The following KCNQ1 variants were observed in gnomAD, a reference collection of about 807,000 sequenced individuals.
KCNQ1 encodes the protein potassium voltage-gated channel subfamily Q member 1.
KCNQ1 carries 49 observed loss-of-function variants against 72.4 expected under a neutral mutation model. The observed-to-expected ratio is 0.68, with a 90% CI of 0.54 to 0.86. The LOEUF (loss-of-function observed/expected upper bound fraction) is 0.86. Ranked by LOEUF, KCNQ1 falls within the 40% of genes least tolerant of loss-of-function variation. The pLI is 0.00. For synonymous variants in KCNQ1, 450 were observed against 412.6 expected, an observed-to-expected ratio of 1.09 and a Z score of -1.10; for missense variants, 790 against 945.1, an observed-to-expected ratio of 0.84 and a Z score of 2.15.
intron 15 of KCNQ1, among the ~76,000 whole-genome samples, chr11:2,786,261 A>G (rs1473618624): frequency 6.6e-6 from 1 of 152,134 alleles, no homozygotes; most frequent in African/African-American, 2.4e-5. Context: ...TAAAAATGTT[A>G]TTGAACTATC....
chr11:2,820,180 A>G (rs1010612183), intron 15 of KCNQ1, among the ~76,000 whole-genome samples: 1 of 151,838 alleles, frequency 6.6e-6, no homozygotes, highest in Non-Finnish European at 1.5e-5. Context: ...TTTATTTTCA[A>G]TCTTTTTTAT....
rs1850309649 is a variant in KCNQ1, at chr11:2,677,251, G to C, written c.1514+15170G>C. 2 of 397,172 alleles carry C rather than the reference G, an allele frequency of 5.0e-6. No homozygotes were observed. The highest frequency in any genetic ancestry group is 8.8e-6 in the Non-Finnish European group (2 of 226,008). 24.6% of individuals were successfully genotyped at this position (397,172 alleles called of 1,614,324 possible). A position where few individuals can be genotyped will look rare whatever the true frequency, so the allele number is the denominator to read the frequency against. On this transcript the variant is annotated intron_variant, in intron 11 of 15. Transcript: ENST00000155840. This position sits in a 1 kb window ranked among gnomAD's most constrained non-coding sequence, Gnocchi z 4.5. ...CAATATAAAGCACACACAAAGTAAA[G>C]AGGAACTTATAAAGAGGAACTGTAA...
chr11:2,793,552 A>G (rs972579477), intron 15 of KCNQ1, among the ~76,000 whole-genome samples: 3 of 152,206 alleles, frequency 2.0e-5, no homozygotes, highest in African/African-American at 7.2e-5. Flanking sequence ...TGAGCCCAGG[A>G]GTTCAAGGCT....
At chr11:2,739,473 G>A (rs1403952788) in intron 11 of KCNQ1, among the ~76,000 whole-genome samples, 7 of 152,242 alleles carry the variant, frequency 4.6e-5, no homozygotes, top group African/African-American at 1.4e-4. Context: ...GATGGACATA[G>A]GTGGGCAACA....
chr11:2,813,402 C>T lies in KCNQ1; in HGVS notation c.1795-34365C>T, dbSNP rs1847533549. On this transcript the variant is annotated intron_variant, in intron 15 of 15. Transcript: ENST00000155840. The surrounding 1 kb of genome is among the most constrained non-coding windows in gnomAD (Gnocchi z 4.4). ...GGTGGAGACCTGCACCTCTTTTTCA[C>T]CCCCAAACCCGCCTGCCCGTCAGTG... is the stretch of plus-strand genomic sequence containing the variant. Among the ~76,000 whole-genome samples, 1 of 54,840 alleles carries T rather than the reference C, an allele frequency of 1.8e-5. No homozygotes were observed. The highest frequency in any genetic ancestry group is 3.3e-5 in the Non-Finnish European group (1 of 29,940). The allele number at this position is 54,840 out of a possible 152,430, so 36.0% of individuals were successfully genotyped here. A position where few individuals can be genotyped will look rare whatever the true frequency, so the allele number is the denominator to read the frequency against.
rs1344887698 is a variant in KCNQ1, at chr11:2,595,180, TA to T, written c.1393+6330del. On this transcript the variant is annotated intron_variant, in intron 10 of 15. Coordinates refer to ENST00000155840, the MANE Select transcript of KCNQ1 (RefSeq NM_000218.3). The surrounding 1 kb of genome is among the most constrained non-coding windows in gnomAD (Gnocchi z 5.0). ...ATATTGAGAAGAGAGTTTTATTTTA[TA>T]AAATAAAACTGTCTTTATTTGCAGA... is the stretch of plus-strand genomic sequence containing the variant. 1.3e-5 allele frequency among the ~76,000 whole-genome samples: 2 copies of T among 152,222 alleles called. No individual in the cohort carries two copies. Among genetic ancestry groups the T allele is most frequent in the Non-Finnish European group, 2.9e-5 (2 of 68,038 alleles).
At chr11:2,618,201 GT>G in intron 10 of KCNQ1, 2 of 398,424 alleles carry the variant, frequency 5.0e-6, no homozygotes, top group Non-Finnish European at 8.8e-6. Context: ...TCTATGTATG[GT>G]GTAAGGCAGC....
intron 2 of KCNQ1, among the ~76,000 whole-genome samples, chr11:2,529,615 C>A (rs1355048516): frequency 6.6e-6 from 1 of 152,208 alleles, no homozygotes; most frequent in Non-Finnish European, 1.5e-5. Flanking sequence ...TTTCCAGGCA[C>A]TTTCCTGGCG....
At position 2,653,283 on chromosome 11, in the gene KCNQ1, G is replaced by T. The variant is rs1849785836; in HGVS notation, c.1394-8678G>T. On this transcript the variant is annotated intron_variant, in intron 10 of 15. Coordinates refer to ENST00000155840, the MANE Select transcript of KCNQ1 (RefSeq NM_000218.3). The surrounding 1 kb of genome is among the most constrained non-coding windows in gnomAD (Gnocchi z 5.3). ...CCCTCTGCCCTGAAAACTAGTGGGG[G>T]CAGTGCAGACCAGTTTAGCTATTTT... 5.0e-6 allele frequency: 2 copies of T among 398,612 alleles called. No individual in the cohort carries two copies. The highest frequency in any genetic ancestry group is 4.1e-5 in the African/African-American group (2 of 48,636). 24.7% of individuals were successfully genotyped at this position (398,612 alleles called of 1,614,324 possible).
chr11:2,533,273 G>C (rs1425179088), intron 2 of KCNQ1, among the ~76,000 whole-genome samples: 1 of 152,242 alleles, frequency 6.6e-6, no homozygotes, highest in Non-Finnish European at 1.5e-5. Context: ...TGCTGAACCA[G>C]GGATATGCGG....
At chr11:2,749,665 T>TA (rs1846194951) in intron 11 of KCNQ1, among the ~76,000 whole-genome samples, 2 of 116,608 alleles carry the variant, frequency 1.7e-5, no homozygotes, top group African/African-American at 3.4e-5. Context: ...AAAAAAAAAT[T>TA]GTCCGGGCGC....
intron 6 of KCNQ1, among the ~76,000 whole-genome samples, chr11:2,573,394 C>T (rs1367765212): frequency 1.3e-5 from 2 of 152,126 alleles, no homozygotes; most frequent in Non-Finnish European, 2.9e-5. Flanking sequence ...ATGCATACCT[C>T]GCGTGTCTCT....
chr11:2,569,406 G>T (rs993390103), intron 2 of KCNQ1, among the ~76,000 whole-genome samples: 1 of 152,244 alleles, frequency 6.6e-6, no homozygotes, highest in African/African-American at 2.4e-5. Context: ...TTGGGAGCCA[G>T]CGATGGCAGT....
rs373619287 is a variant in KCNQ1 at position 2,661,426 on chromosome 11, A to AC, written c.1394-534dup. On this transcript the variant is annotated intron_variant, in intron 10 of 15. Coordinates refer to ENST00000155840, the MANE Select transcript of KCNQ1 (RefSeq NM_000218.3). The surrounding 1 kb of genome is among the most constrained non-coding windows in gnomAD (Gnocchi z 5.9). Reference sequence around the variant, plus strand: ...ACTCCTGTGCCTCATTGGGGGTACAACTGGTTGATGTAGCATCGTGTTTTG... The same window carrying AC: ...ACTCCTGTGCCTCATTGGGGGTACAACCTGGTTGATGTAGCATCGTGTTTTG... The AC allele has an allele frequency of 3.5e-4, 149 of 423,502 alleles. No individual in the cohort carries two copies. The highest frequency in any genetic ancestry group is 6.2e-4 in the Admixed American group (16 of 25,752). The allele number at this position is 423,502 out of a possible 1,614,324, so 26.2% of individuals were successfully genotyped here. A position where few individuals can be genotyped will look rare whatever the true frequency, so the allele number is the denominator to read the frequency against.
chr11:2,490,871 T>G (rs1396713784), intron 1 of KCNQ1, among the ~76,000 whole-genome samples: 1 of 152,134 alleles, frequency 6.6e-6, no homozygotes, highest in Admixed American at 6.5e-5. Flanking sequence ...GTTTGTTTGT[T>G]TGTTTGTTTG....
At chr11:2,666,234 G>C (rs909753750) in intron 11 of KCNQ1, 6 of 398,540 alleles carry the variant, frequency 1.5e-5, no homozygotes, top group Non-Finnish European at 2.2e-5. Flanking sequence ...CCGGCCCATT[G>C]AGATGGGCAT....
intron 2 of KCNQ1, among the ~76,000 whole-genome samples, chr11:2,548,933 G>A (rs942331641): frequency 2.0e-5 from 3 of 152,186 alleles, no homozygotes; most frequent in Admixed American, 6.5e-5. Flanking sequence ...ACTGTCCCCC[G>A]ACTACCACTG....
At chr11:2,525,272 C>A (rs1216207955) in intron 1 of KCNQ1, among the ~76,000 whole-genome samples, 1 of 152,244 alleles carries the variant, frequency 6.6e-6, no homozygotes, top group Non-Finnish European at 1.5e-5. Flanking sequence ...TGCAGATGGG[C>A]ACTCACCCTT....
At chr11:2,548,785 G>A (rs1473139716) in intron 2 of KCNQ1, among the ~76,000 whole-genome samples, 1 of 152,212 alleles carries the variant, frequency 6.6e-6, no homozygotes, top group Non-Finnish European at 1.5e-5. Context: ...TGCTTAGGCT[G>A]TGCACAAATG....
Sources: allele counts gnomAD v4.1 joint callset (sites outside exome capture counted in the v4.1 genomes callset), GRCh38; gene constraint gnomAD v4.1.1; non-coding constraint Gnocchi (gnomAD v3.1); transcripts MANE v1.5; gene names NCBI Gene and HGNC (gene_info 2026-07-23, HGNC 2026-07-21).